The following SORCS3 variants were observed in gnomAD, a reference collection of about 807,000 sequenced individuals.
SORCS3 encodes the protein sortilin related VPS10 domain containing receptor 3, also known as VPS10 domain-containing receptor SorCS3.
A neutral mutation model predicts 146.3 loss-of-function variants in SORCS3; 57 were observed. The ratio of observed to expected loss-of-function variants is 0.39; its 90% CI spans 0.31 to 0.49. The LOEUF is 0.49. Among genes scored for constraint, SORCS3 ranks in the 20% least tolerant of loss-of-function variants. The pLI, the probability that SORCS3 is intolerant of heterozygous loss-of-function variation, is 0.92. For missense variants in SORCS3, 1,341 were observed against 1,575.5 expected (o/e 0.85, Z 2.52); for synonymous variants, 653 against 618.5 (o/e 1.06, Z -0.83).
intron 3 of SORCS3, among the ~76,000 whole-genome samples, chr10:104,971,932 A>C (rs1456936913): frequency 6.6e-6 from 1 of 152,164 alleles, no homozygotes; most frequent in Non-Finnish European, 1.5e-5. Context: ...AATAATGGAA[A>C]AGTCTGAGTG....
chr10:105,047,607 A>G (rs552098979), intron 5 of SORCS3, among the ~76,000 whole-genome samples: 20 of 152,210 alleles, frequency 1.3e-4, no homozygotes, highest in South Asian at 6.2e-4. Context: ...CAGACATACT[A>G]TAAGTTCTAT....
intron 5 of SORCS3, among the ~76,000 whole-genome samples, chr10:105,073,636 G>A (rs1187265640): frequency 6.6e-6 from 1 of 152,130 alleles, no homozygotes; most frequent in East Asian, 1.9e-4. Flanking sequence ...CTTCAGTTCT[G>A]GGGCAGGGAG....
Position 105,223,208 on chromosome 10 carries a change from G to C in SORCS3, c.2827G>C (p.Gly943Arg), listed in dbSNP as rs746806515. The C allele has an allele frequency of 6.2e-7, 1 of 1,612,834 alleles. No individual in the cohort carries two copies. The highest frequency in any genetic ancestry group is 1.3e-5 in the African/African-American group (1 of 74,864). The part of the protein sequence containing the change: ...ISAVVWPSQL[G>R]TLTYFWWFGN... The stretch of plus-strand genomic sequence containing the variant: ...TGCAGTCGTGTGGCCCAGTCAACTG[G>C]GGACCCTTACCTATTTCTGGTGGTT... Residue 943 changes from glycine (G) to arginine (R), a missense_variant, in exon 20 of 27, where the codon GGG (glycine) becomes CGG (arginine). Physicochemically the swap from Gly to Arg is moderately radical, Grantham distance 125. Coordinates refer to ENST00000369701, the MANE Select transcript of SORCS3 (RefSeq NM_014978.3).
chr10:104,959,963 G>T (rs1009093514), intron 3 of SORCS3, among the ~76,000 whole-genome samples: 1 of 152,126 alleles, frequency 6.6e-6, no homozygotes, highest in African/African-American at 2.4e-5. Context: ...GGCACCATTG[G>T]TTATTACAGC....
intron 3 of SORCS3, among the ~76,000 whole-genome samples, chr10:104,969,305 G>T (rs1437161590): frequency 4.1e-5 from 1 of 24,148 alleles, no homozygotes; most frequent in Admixed American, 6.9e-4. Flanking sequence ...AAAAAGGATT[G>T]TGTGTGTGTG....
intron 1 of SORCS3, among the ~76,000 whole-genome samples, chr10:104,819,162 G>A (rs975357487): frequency 6.6e-6 from 1 of 151,972 alleles, no homozygotes; most frequent in Non-Finnish European, 1.5e-5. Context: ...ACTCTGAGGG[G>A]GTGCACGTCA....
intron 5 of SORCS3, among the ~76,000 whole-genome samples, chr10:105,073,337 G>A (rs573869418): frequency 6.6e-6 from 1 of 152,222 alleles, no homozygotes; most frequent in African/African-American, 2.4e-5. Context: ...CCCCTTCCAG[G>A]CCTAGGCGAA....
intron 5 of SORCS3, among the ~76,000 whole-genome samples, chr10:105,084,604 C>T (rs2055646520): frequency 6.6e-6 from 1 of 152,150 alleles, no homozygotes; most frequent in Admixed American, 6.5e-5. Flanking sequence ...AGTTCATGGG[C>T]TTCTCAGCAG....
chr10:105,244,315 A>T (rs1054380092), intron 20 of SORCS3, among the ~76,000 whole-genome samples: 2 of 152,112 alleles, frequency 1.3e-5, no homozygotes, highest in African/African-American at 4.8e-5. Flanking sequence ...CTTGAACAAC[A>T]AGGGTTTGAA....
At chr10:104,985,066 A>G (rs2054954493) in intron 4 of SORCS3, among the ~76,000 whole-genome samples, 1 of 151,972 alleles carries the variant, frequency 6.6e-6, no homozygotes, top group Non-Finnish European at 1.5e-5. Context: ...TGCACTGACA[A>G]CTCTTCGTTT....
intron 4 of SORCS3, among the ~76,000 whole-genome samples, chr10:105,011,242 A>G (rs2055134743): frequency 6.6e-6 from 1 of 152,164 alleles, no homozygotes; most frequent in African/African-American, 2.4e-5. Context: ...ATCTAGTTCA[A>G]TGAGTTTTGA....
intron 8 of SORCS3, among the ~76,000 whole-genome samples, chr10:105,146,401 C>T (rs775726693): frequency 3.3e-5 from 5 of 151,588 alleles, no homozygotes; most frequent in Admixed American, 6.6e-5. Context: ...TGATCCAGTC[C>T]GGGATTAAAA....
chr10:104,779,511 C>T (rs1339383321), intron 1 of SORCS3, among the ~76,000 whole-genome samples: 1 of 152,196 alleles, frequency 6.6e-6, no homozygotes, highest in Non-Finnish European at 1.5e-5. Context: ...AGATCTTCCA[C>T]ACCAGGACTT....
At chr10:105,135,650 G>T (rs752838702) in intron 7 of SORCS3, among the ~76,000 whole-genome samples, 11 of 152,082 alleles carry the variant, frequency 7.2e-5, no homozygotes, top group Non-Finnish European at 1.2e-4. Flanking sequence ...GTCAAAAAAA[G>T]CCATGCAGCA....
rs539165965 is a variant in SORCS3 at position 105,057,814 on chromosome 10, G to A, written c.1028+14686G>A. ...TGGCCTTCTTCCTGTATACATGTCT[G>A]TATTTCTGAACGTAGCGTATTCTAC... On this transcript the variant is annotated intron_variant, in intron 5 of 26. Coordinates refer to ENST00000369701, the MANE Select transcript of SORCS3 (RefSeq NM_014978.3). Among the ~76,000 whole-genome samples the A allele has an allele frequency of 7.2e-5, 11 of 152,268 alleles. No individual in the cohort carries two copies. In the South Asian group the frequency reaches 2.3e-3, roughly 32 times the overall value.
chr10:104,827,788 A>G (rs955429438), intron 1 of SORCS3, among the ~76,000 whole-genome samples: 37 of 152,234 alleles, frequency 2.4e-4, no homozygotes, highest in African/African-American at 8.7e-4. Context: ...TAGTGTAGCC[A>G]CCTTCATTAA....
chr10:105,263,444 T>C lies in SORCS3; in HGVS notation c.*70T>C. ...TTGATGATTACTATTACTATTATTA[T>C]GGAAAAATTAAAATGTCTTTTTTAC... is the stretch of plus-strand genomic sequence containing the variant. On this transcript the variant is annotated 3_prime_UTR_variant, in exon 27 of 27. Transcript: ENST00000369701. 2 of 1,449,630 alleles carry C rather than the reference T, an allele frequency of 1.4e-6. No homozygotes were observed. Among genetic ancestry groups the C allele is most frequent in the Admixed American group, 1.8e-5 (1 of 56,106 alleles). 89.8% of individuals were successfully genotyped at this position (1,449,630 alleles called of 1,614,324 possible).
intron 22 of SORCS3, among the ~76,000 whole-genome samples, chr10:105,248,148 A>G (rs1401879661): frequency 6.6e-6 from 1 of 152,228 alleles, no homozygotes; most frequent in Non-Finnish European, 1.5e-5. Context: ...ACATTTTCTC[A>G]GAGGTAGGCA....
chr10:104,801,519 A>G (rs948084000), intron 1 of SORCS3, among the ~76,000 whole-genome samples: 3 of 152,218 alleles, frequency 2.0e-5, no homozygotes, highest in Admixed American at 2.0e-4. Context: ...TGAATGCTCA[A>G]TTGAAGTGAA....
Sources: allele counts gnomAD v4.1 joint callset (sites outside exome capture counted in the v4.1 genomes callset), GRCh38; gene constraint gnomAD v4.1.1; transcripts MANE v1.5; gene names NCBI Gene and HGNC (gene_info 2026-07-23, HGNC 2026-07-21).